The following SULT1C3 variants were observed in gnomAD, a reference collection of about 807,000 sequenced individuals.
SULT1C3 encodes sulfotransferase 1C3.
Under a neutral mutation model 28.4 loss-of-function variants are expected in SULT1C3, and 31 were observed. The ratio of observed to expected loss-of-function variants is 1.09; its 90% CI spans 0.82 to 1.47. The LOEUF (loss-of-function observed/expected upper bound fraction) is 1.47, where lower values mean the gene tolerates loss of function less well. SULT1C3 is among the 40% of genes most tolerant of loss of function. The pLI, the probability that SULT1C3 is intolerant of heterozygous loss-of-function variation, is 0.00. For synonymous variants in SULT1C3, 106 were observed against 92.2 expected, an observed-to-expected ratio of 1.15 and a Z score of -0.86; for missense variants, 307 against 272.5, an observed-to-expected ratio of 1.13 and a Z score of -0.89.
intron 4 of SULT1C3, 61 bp from the exon 5 acceptor site, chr2:108,255,511 T>C: frequency 1.9e-6 from 3 of 1,572,352 alleles, no homozygotes; most frequent in Non-Finnish European, 1.7e-6. Context: ...AACACTCACT[T>C]GAGTATTTCA....
chr2:108,250,339 GA>G (rs1675698789), intron 2 of SULT1C3, among the ~76,000 whole-genome samples: 2 of 152,024 alleles, frequency 1.3e-5, no homozygotes, highest in South Asian at 4.2e-4. Context: ...TTTATCATGA[GA>G]AAATGTAAAT....
chr2:108,255,296 T>C (rs1188770686), intron 4 of SULT1C3, among the ~76,000 whole-genome samples: 1 of 151,912 alleles, frequency 6.6e-6, no homozygotes, highest in Non-Finnish European at 1.5e-5. Context: ...GACAGTGCTG[T>C]CCTAATAATG....
In SULT1C3 at chr2:108,253,451, AG is replaced by A. The variant is rs1339680170; in HGVS notation, c.399+14del. 1.2e-5 allele frequency: 17 copies of A among 1,453,704 alleles called. No individual in the cohort carries two copies. Among genetic ancestry groups the A allele is most frequent in the Non-Finnish European group, 1.5e-5 (16 of 1,087,618 alleles). The allele number at this position is 1,453,704 out of a possible 1,614,324, so 90.1% of individuals were successfully genotyped here. On this transcript the variant is annotated intron_variant, in intron 4 of 7. Coordinates refer to ENST00000681802, the MANE Select transcript of SULT1C3 (RefSeq NM_001320878.2). Reference sequence around the variant, plus strand: ...GGAAAGAAAACTGCAAGGTATAAAGAGGGGGCTTTTCAAACTTCTCTTAGCT... The same window carrying A: ...GGAAAGAAAACTGCAAGGTATAAAGAGGGGCTTTTCAAACTTCTCTTAGCT...
chr2:108,247,144 AC>A, intron 1 of SULT1C3, 43 bp from the exon 2 acceptor site: 1 of 1,368,280 alleles, frequency 7.3e-7, no homozygotes, highest in Non-Finnish European at 9.6e-7. Flanking sequence ...CCATAAAACA[AC>A]ATTTTTAAAA....
At chr2:108,264,133 G>A (rs1024817899), downstream of SULT1C3, among the ~76,000 whole-genome samples, 7 of 152,126 alleles carry the variant, frequency 4.6e-5, no homozygotes, top group Non-Finnish European at 1.0e-4. Context: ...TTGGGACAGT[G>A]GACTGATTTC....
rs1272833159 is a variant in SULT1C3, at chr2:108,252,365, G to A, written c.173G>A (p.Gly58Asp). ...DLILATYPKS[G>D]TTWMHEILDM... ...AAAGAACTATTTCAAATATTTTCAG[G>A]TACAACATGGATGCATGAAATTTTA... Residue 58 changes from glycine to aspartate, a missense_variant and splice_region_variant, in exon 3 of 8, where the codon GGT becomes GAT. Coordinates refer to ENST00000681802, the MANE Select transcript of SULT1C3 (RefSeq NM_001320878.2). 2 of 1,604,012 alleles carry A rather than the reference G, an allele frequency of 1.2e-6. No homozygotes were observed. Among genetic ancestry groups the A allele is most frequent in the Non-Finnish European group, 1.7e-6 (2 of 1,175,338 alleles).
At chr2:108,256,659 T>C (rs1283523965) in intron 5 of SULT1C3, among the ~76,000 whole-genome samples, 1 of 152,056 alleles carries the variant, frequency 6.6e-6, no homozygotes, top group Non-Finnish European at 1.5e-5. Context: ...TAACCAGTCC[T>C]GACATATTCA....
At chr2:108,244,675 A>G (rs930318570) in intron 1 of SULT1C3, among the ~76,000 whole-genome samples, 1 of 152,190 alleles carries the variant, frequency 6.6e-6, no homozygotes, top group Admixed American at 6.5e-5. Context: ...CTATATAGCT[A>G]TCAGGGTGGT....
chr2:108,247,235 A>G lies in SULT1C3; in HGVS notation c.41A>G (p.Lys14Arg), dbSNP rs1242565395. 57 of 1,569,578 alleles carry G rather than the reference A, an allele frequency of 3.6e-5. No individual in the cohort carries two copies. The highest frequency in any genetic ancestry group is 4.9e-5 in the Non-Finnish European group (57 of 1,155,482). Residue 14 changes from lysine (K) to arginine (R), a missense_variant, in exon 2 of 8, where the codon AAG becomes AGG. Physicochemically the swap from Lys to Arg is conservative, Grantham distance 26. Coordinates refer to ENST00000681802, the MANE Select transcript of SULT1C3 (RefSeq NM_001320878.2). ...IEKNAPTMEK[K>R]PELFNIMEVD... Reference sequence around the variant, plus strand: ...AAAAACGCTCCCACGATGGAAAAAAAGCCAGAACTGTTTAACATCATGGAA... The same window carrying G: ...AAAAACGCTCCCACGATGGAAAAAAGGCCAGAACTGTTTAACATCATGGAA...
chr2:108,254,699 G>GTA (rs749104996), intron 4 of SULT1C3, among the ~76,000 whole-genome samples: 3,849 of 147,450 alleles, frequency 0.026, 188 homozygotes, highest in African/African-American at 0.091. Context: ...GTGTGTGTGT[G>GTA]TGTATATATA....
chr2:108,256,500 T>C (rs2104390869), intron 5 of SULT1C3, among the ~76,000 whole-genome samples: 1 of 152,158 alleles, frequency 6.6e-6, no homozygotes, highest in South Asian at 2.1e-4. Context: ...TGGATAAACA[T>C]TACATGGTGT....
intron 2 of SULT1C3, among the ~76,000 whole-genome samples, chr2:108,248,972 C>T (rs1675659359): frequency 6.6e-6 from 1 of 152,092 alleles, no homozygotes; most frequent in African/African-American, 2.4e-5. Flanking sequence ...TAAAAGTTCA[C>T]TGCATGATTA....
chr2:108,241,903 G>A (rs561104171), intron 1 of SULT1C3, among the ~76,000 whole-genome samples: 113 of 148,364 alleles, frequency 7.6e-4, no homozygotes, highest in Non-Finnish European at 1.4e-3. Context: ...CTCCAGCCTG[G>A]GTGACAAAGT....
intron 2 of SULT1C3, 43 bp downstream of exon 2, chr2:108,247,409 A>G: frequency 6.9e-7 from 1 of 1,446,846 alleles, no homozygotes; most frequent in Non-Finnish European, 9.2e-7. Context: ...TTTTCACGTG[A>G]AATTATTGCA....
At chr2:108,258,062 AC>A (rs543212903) in intron 5 of SULT1C3, among the ~76,000 whole-genome samples, 2 of 152,106 alleles carry the variant, frequency 1.3e-5, no homozygotes, top group Non-Finnish European at 2.9e-5. Context: ...CTTCAAGTCC[AC>A]TTAGCACAAT....
chr2:108,249,970 A>G (rs1675688768), intron 2 of SULT1C3, among the ~76,000 whole-genome samples: 1 of 152,074 alleles, frequency 6.6e-6, no homozygotes, highest in Non-Finnish European at 1.5e-5. Context: ...AATCTCTAAA[A>G]CTATGGAAGT....
intron 4 of SULT1C3, among the ~76,000 whole-genome samples, chr2:108,254,797 A>G (rs1181410653): frequency 6.6e-6 from 1 of 150,994 alleles, no homozygotes; most frequent in East Asian, 1.9e-4. Context: ...ATATGTATGT[A>G]TGCATATATA....
intron 2 of SULT1C3, 143 bp downstream of exon 2, chr2:108,247,509 T>C: frequency 1.3e-6 from 1 of 753,992 alleles, no homozygotes; most frequent in Non-Finnish European, 1.9e-6. Context: ...TGCAGGACAT[T>C]TAGCATTCCT....
downstream of SULT1C3, chr2:108,265,237 A>G (rs1362722626): frequency 6.2e-7 from 1 of 1,612,886 alleles, no homozygotes; most frequent in Admixed American, 1.7e-5. Flanking sequence ...GCCTTGTTTC[A>G]GGGATGCCTG....
Sources: allele counts gnomAD v4.1 joint callset (sites outside exome capture counted in the v4.1 genomes callset), GRCh38; gene constraint gnomAD v4.1.1; transcripts MANE v1.5; gene names NCBI Gene and HGNC (gene_info 2026-07-23, HGNC 2026-07-21).